DRC8: variants seen among roughly 807,000 people sequenced by gnomAD.
DRC8 encodes dynein regulatory complex protein 8.
the DRC8 span, among the ~76,000 whole-genome samples, chr1:245,114,771 CAA>C: frequency 1.3e-5 from 2 of 152,176 alleles, no homozygotes; most frequent in African/African-American, 2.4e-5. Context: ...CTCTGTTGCC[CAA>C]GCTGGAGGGC....
At chr1:245,014,677 G>C in the DRC8 span, among the ~76,000 whole-genome samples, 6 of 152,154 alleles carry the variant, frequency 3.9e-5, no homozygotes, top group East Asian at 7.7e-4. Context: ...GGTGGGGTGT[G>C]GGGGGAGAAG....
the DRC8 span, among the ~76,000 whole-genome samples, chr1:245,020,651 G>T: frequency 8.8e-6 from 1 of 113,414 alleles, no homozygotes; most frequent in Non-Finnish European, 1.6e-5. Context: ...ACAGGGTCTC[G>T]CTCTGTCACC....
the DRC8 span, among the ~76,000 whole-genome samples, chr1:245,026,476 G>A: frequency 2.0e-5 from 3 of 152,184 alleles, no homozygotes; most frequent in South Asian, 2.1e-4. Context: ...TGAGCAATGT[G>A]GAGAGATTGC....
chr1:245,005,085 A>C, the DRC8 span, among the ~76,000 whole-genome samples: 5 of 151,924 alleles, frequency 3.3e-5, no homozygotes, highest in Non-Finnish European at 7.4e-5. Context: ...TATTATGGTG[A>C]TTGGTTTTCA....
At chr1:245,073,136 TTTTG>T in the DRC8 span, among the ~76,000 whole-genome samples, 81 of 152,300 alleles carry the variant, frequency 5.3e-4, no homozygotes, top group Middle Eastern at 0.01. Flanking sequence ...TATTAATTTT[TTTTG>T]TTTGTTTGTT....
chr1:245,009,028 CTTTTTT>C, the DRC8 span, among the ~76,000 whole-genome samples: 33 of 64,432 alleles, frequency 5.1e-4, no homozygotes, highest in Admixed American at 7.8e-4. Flanking sequence ...TTATGCTTTT[CTTTTTT>C]TTTTTTTTTT....
chr1:245,009,055 A>T, the DRC8 span, among the ~76,000 whole-genome samples: 7 of 16,308 alleles, frequency 4.3e-4, no homozygotes, highest in Admixed American at 7.8e-4. Flanking sequence ...TTTTTTTTTG[A>T]GACTGAGTCT....
chr1:245,017,901 A>C, the DRC8 span, among the ~76,000 whole-genome samples: 7 of 152,188 alleles, frequency 4.6e-5, no homozygotes, highest in African/African-American at 1.7e-4. Flanking sequence ...GACGCTAATA[A>C]GAATTGTAGG....
At chr1:245,018,666 G>C in the DRC8 span, among the ~76,000 whole-genome samples, 1 of 152,192 alleles carries the variant, frequency 6.6e-6, no homozygotes, top group Non-Finnish European at 1.5e-5. Context: ...GCGGGGGACA[G>C]AGGTATTGTT....
At chr1:245,002,202 C>T in the DRC8 span, 1 of 1,610,026 alleles carries the variant, frequency 6.2e-7, no homozygotes, top group Non-Finnish European at 8.5e-7. Flanking sequence ...AAGAGACCAT[C>T]ACACAATGAC....
At chr1:245,052,280 A>AAC in the DRC8 span, among the ~76,000 whole-genome samples, 1 of 152,192 alleles carries the variant, frequency 6.6e-6, no homozygotes. Flanking sequence ...GCTTTGCAGG[A>AAC]ACAAAGAAAG....
chr1:245,085,749 A>G, the DRC8 span, among the ~76,000 whole-genome samples: 2 of 152,176 alleles, frequency 1.3e-5, no homozygotes, highest in East Asian at 1.9e-4. Flanking sequence ...CATAAGAAAG[A>G]GGTTGGACTA....
chr1:245,007,741 C>A, the DRC8 span, among the ~76,000 whole-genome samples: 1 of 148,792 alleles, frequency 6.7e-6, no homozygotes, highest in East Asian at 2.0e-4. Flanking sequence ...CAATGGGGAG[C>A]TCTCTATTGC....
the DRC8 span, among the ~76,000 whole-genome samples, chr1:245,021,028 G>A: frequency 1.2e-3 from 176 of 152,172 alleles, 1 homozygote; most frequent in Non-Finnish European, 2.3e-3. Flanking sequence ...GTGAAGCCAG[G>A]TGTTACATAT....
chr1:245,036,773 G>A, the DRC8 span, among the ~76,000 whole-genome samples: 1 of 152,202 alleles, frequency 6.6e-6, no homozygotes, highest in African/African-American at 2.4e-5. Flanking sequence ...TATATGAAAT[G>A]TCTAGAGCAG....
At chr1:245,119,472 C>T in the DRC8 span, among the ~76,000 whole-genome samples, 1 of 150,820 alleles carries the variant, frequency 6.6e-6, no homozygotes, top group East Asian at 2.0e-4. Context: ...AGACCAGTCT[C>T]GGCAACAAAG....
the DRC8 span, among the ~76,000 whole-genome samples, chr1:244,972,815 C>CA: frequency 0.049 from 4,577 of 93,048 alleles, 190 homozygotes; most frequent in African/African-American, 0.16. Flanking sequence ...GACTCCGTCT[C>CA]AAAAAAAAAA....
chr1:245,088,229 A>G, the DRC8 span, among the ~76,000 whole-genome samples: 1 of 152,088 alleles, frequency 6.6e-6, no homozygotes, highest in East Asian at 1.9e-4. This position sits in a 1 kb window ranked among gnomAD's most constrained non-coding sequence, Gnocchi z 4.6. Flanking sequence ...CTTATATGGC[A>G]ACTATATGGC....
the DRC8 span, among the ~76,000 whole-genome samples, chr1:245,055,882 T>C: frequency 2.6e-5 from 4 of 152,120 alleles, no homozygotes; most frequent in Admixed American, 1.3e-4. Context: ...TTTTATGAAG[T>C]TGTAAGTTGT....
Sources: gnomAD v4.1 joint callset for allele counts (sites outside exome capture counted in the v4.1 genomes callset) on GRCh38, gnomAD v4.1.1 for gene constraint, Gnocchi (gnomAD v3.1) non-coding constraint, MANE v1.5 for transcripts, NCBI Gene and HGNC (gene_info 2026-07-23, HGNC 2026-07-21) for gene names.